MYO16: variants seen among roughly 807,000 people sequenced by gnomAD.
MYO16 encodes the protein myosin XVI, also known as unconventional myosin-XVI.
In MYO16, 94 loss-of-function variants were observed where a neutral mutation model predicts 205.3. The observed-to-expected ratio is 0.46, with a 90% confidence interval of 0.39 to 0.54. The LOEUF (loss-of-function observed/expected upper bound fraction) is 0.54, where lower values mean the gene tolerates loss of function less well. MYO16 is among the 20% of genes least tolerant of loss of function. The probability of loss-of-function intolerance (pLI) is 0.00; values close to 1 mark genes in which losing one functional copy is unlikely to be tolerated. For synonymous variants in MYO16, 988 were observed against 954.0 expected (o/e 1.04, Z -0.66); for missense variants, 2,315 against 2,387.5 (o/e 0.97, Z 0.63).
At chr13:108,957,341 G>A (rs1428175535) in intron 16 of MYO16, among the ~76,000 whole-genome samples, 1 of 127,712 alleles carries the variant, frequency 7.8e-6, no homozygotes, top group South Asian at 2.6e-4. Flanking sequence ...CCAAGACTGT[G>A]CACTGTGCTC....
At chr13:109,069,646 C>T (rs1459545141) in intron 27 of MYO16, among the ~76,000 whole-genome samples, 2 of 151,956 alleles carry the variant, frequency 1.3e-5, no homozygotes, top group Admixed American at 6.6e-5. Flanking sequence ...ACATACATGC[C>T]ATGGGAAGTC....
Position 108,721,825 on chromosome 13 carries a change from C to T in MYO16, c.364-5615C>T, listed in dbSNP as rs145925761. On this transcript the variant is annotated intron_variant, in intron 3 of 34. Transcript: ENST00000457511. ...AGAGAGGCTGACTTCCATTTAGGTTCTCTGGACATTTCCAGAAGTGGAAAT... is the reference window on the plus strand; with the variant it reads ...AGAGAGGCTGACTTCCATTTAGGTTTTCTGGACATTTCCAGAAGTGGAAAT... Among the ~76,000 whole-genome samples, 284 of 152,238 alleles carry T rather than the reference C, an allele frequency of 1.9e-3. 1 individual carries two copies. Among genetic ancestry groups the T allele is most frequent in the African/African-American group, 6.5e-3 (270 of 41,540 alleles).
chr13:108,517,695 G>T, the MYO16 span, among the ~76,000 whole-genome samples: 2 of 152,174 alleles, frequency 1.3e-5, no homozygotes, highest in Non-Finnish European at 2.9e-5. Context: ...TTATAAACTG[G>T]AATACTGCCT....
At chr13:108,979,872 C>A (rs1884394832) in intron 20 of MYO16, among the ~76,000 whole-genome samples, 1 of 151,974 alleles carries the variant, frequency 6.6e-6, no homozygotes, top group African/African-American at 2.4e-5. Context: ...TTTAAATTAT[C>A]AGATAATAAA....
At chr13:108,777,609 C>G (rs1886164840) in intron 4 of MYO16, among the ~76,000 whole-genome samples, 1 of 152,112 alleles carries the variant, frequency 6.6e-6, no homozygotes, top group South Asian at 2.1e-4. Context: ...GGGTACCCAC[C>G]ACAGTGGGCA....
the MYO16 span, among the ~76,000 whole-genome samples, chr13:108,587,597 G>C: frequency 3.9e-5 from 6 of 151,980 alleles, no homozygotes; most frequent in African/African-American, 1.2e-4. Flanking sequence ...GATTGACAAG[G>C]TATATTTTAT....
At chr13:108,808,876 T>C (rs1276781837) in intron 7 of MYO16, among the ~76,000 whole-genome samples, 5 of 152,182 alleles carry the variant, frequency 3.3e-5, no homozygotes, top group Admixed American at 2.6e-4. Flanking sequence ...AAGCCCAATC[T>C]AATTGTCACT....
At chr13:108,964,398 C>T (rs748381544) in intron 19 of MYO16, among the ~76,000 whole-genome samples, 1 of 152,236 alleles carries the variant, frequency 6.6e-6, no homozygotes, top group Middle Eastern at 3.4e-3. Context: ...CCAGAAAGCC[C>T]GTTTCCACAT....
chr13:109,045,476 C>T (rs1002228515), intron 23 of MYO16, among the ~76,000 whole-genome samples: 1 of 152,176 alleles, frequency 6.6e-6, no homozygotes, highest in African/African-American at 2.4e-5. Flanking sequence ...TGTGGTGGCA[C>T]AAGTGCAAAC....
chr13:108,567,809 C>A, the MYO16 span, among the ~76,000 whole-genome samples: 2 of 152,082 alleles, frequency 1.3e-5, no homozygotes, highest in Non-Finnish European at 2.9e-5. Flanking sequence ...CCACTACCCA[C>A]CCCCCTGAAA....
At chr13:109,087,775 C>T (rs907272518) in intron 27 of MYO16, among the ~76,000 whole-genome samples, 4 of 152,222 alleles carry the variant, frequency 2.6e-5, no homozygotes, top group Admixed American at 6.5e-5. Context: ...GTTTAATTTT[C>T]TGTCCCTCCT....
intron 28 of MYO16, among the ~76,000 whole-genome samples, chr13:109,119,659 C>T (rs1256476124): frequency 6.6e-6 from 1 of 152,184 alleles, no homozygotes; most frequent in African/African-American, 2.4e-5. Context: ...TTATCAATAT[C>T]AGTACGTTTG....
intron 3 of MYO16, among the ~76,000 whole-genome samples, chr13:108,714,729 T>A (rs1883875281): frequency 6.6e-6 from 1 of 152,220 alleles, no homozygotes; most frequent in Admixed American, 6.5e-5. Context: ...GACTTTTACT[T>A]TATTTTTGTC....
At chr13:108,981,833 A>T (rs769291603) in intron 20 of MYO16, among the ~76,000 whole-genome samples, 4 of 152,190 alleles carry the variant, frequency 2.6e-5, no homozygotes, top group Non-Finnish European at 5.9e-5. Context: ...GTTACTTGGA[A>T]CCACACATTT....
At chr13:108,688,792 A>G (rs1303654735) in intron 2 of MYO16, among the ~76,000 whole-genome samples, 1 of 152,188 alleles carries the variant, frequency 6.6e-6, no homozygotes, top group Non-Finnish European at 1.5e-5. Context: ...TATATTTTAG[A>G]AAGACCGTCA....
intron 6 of MYO16, among the ~76,000 whole-genome samples, chr13:108,803,187 C>T (rs1461653850): frequency 2.0e-5 from 3 of 152,110 alleles, no homozygotes; most frequent in South Asian, 2.1e-4. Flanking sequence ...TGAAACCAGG[C>T]GGGGCCATCT....
At chr13:108,617,764 G>A (rs1879400371) in intron 1 of MYO16, among the ~76,000 whole-genome samples, 1 of 152,114 alleles carries the variant, frequency 6.6e-6, no homozygotes, top group Non-Finnish European at 1.5e-5. Flanking sequence ...ACAAGGGATG[G>A]TTTTACAGGG....
chr13:108,833,165 A>G (rs536699800), intron 9 of MYO16, among the ~76,000 whole-genome samples: 1 of 152,242 alleles, frequency 6.6e-6, no homozygotes, highest in East Asian at 1.9e-4. Flanking sequence ...CTCAAAAACA[A>G]TACAAACTCC....
chr13:109,117,195 C>T (rs1031044627), intron 28 of MYO16, among the ~76,000 whole-genome samples: 2 of 152,000 alleles, frequency 1.3e-5, no homozygotes, highest in African/African-American at 4.8e-5. Context: ...CTCATTTTCA[C>T]CCTAGAAGCT....
Sources: allele counts gnomAD v4.1 joint callset (sites outside exome capture counted in the v4.1 genomes callset), GRCh38; gene constraint gnomAD v4.1.1; transcripts MANE v1.5; gene names NCBI Gene and HGNC (gene_info 2026-07-23, HGNC 2026-07-21).